The following BABAM2 variants were observed in gnomAD, a reference collection of about 807,000 sequenced individuals.
BABAM2 encodes the protein BRISC and BRCA1 A complex member 2, also known as BRISC and BRCA1-A complex member 2.
BABAM2 carries 31 observed loss-of-function variants against 54.7 expected under a neutral mutation model. The observed-to-expected ratio is 0.57, with a 90% confidence interval of 0.43 to 0.77. The LOEUF is 0.77. Ranked by LOEUF, BABAM2 falls within the 30% of genes least tolerant of loss-of-function variation. BABAM2 has a pLI of 0.00. For synonymous variants in BABAM2, 167 were observed against 162.9 expected (o/e 1.03, Z -0.19); for missense variants, 364 against 455.8 (o/e 0.80, Z 1.83).
intron 6 of BABAM2, among the ~76,000 whole-genome samples, chr2:28,117,010 C>T (rs1450483312): frequency 6.6e-6 from 1 of 152,138 alleles, no homozygotes; most frequent in East Asian, 1.9e-4. Context: ...AGCATTGGCA[C>T]CTCTGATACC....
intron 3 of BABAM2, among the ~76,000 whole-genome samples, chr2:27,972,350 T>A (rs750899452): frequency 1.3e-5 from 2 of 152,208 alleles, no homozygotes; most frequent in Non-Finnish European, 2.9e-5. Flanking sequence ...TGTTTCAATA[T>A]AAGAAAGAAC....
chr2:28,149,764 C>T (rs753739516), intron 7 of BABAM2, among the ~76,000 whole-genome samples: 9 of 152,160 alleles, frequency 5.9e-5, no homozygotes, highest in Non-Finnish European at 1.0e-4. Flanking sequence ...AGTAGCCTTC[C>T]TTCTCTGGCT....
chr2:28,103,600 C>T (rs1227239849), intron 6 of BABAM2, among the ~76,000 whole-genome samples: 2 of 152,182 alleles, frequency 1.3e-5, no homozygotes, highest in Non-Finnish European at 2.9e-5. Context: ...TGAGCCACTG[C>T]ACCTGGCATA....
At chr2:28,285,449 G>A (rs1266294010) in intron 10 of BABAM2, among the ~76,000 whole-genome samples, 3 of 152,092 alleles carry the variant, frequency 2.0e-5, no homozygotes, top group Non-Finnish European at 4.4e-5. Context: ...ATCCCTGCAC[G>A]GTATAAGTCC....
At chr2:28,186,038 G>A (rs1037435102) in intron 7 of BABAM2, among the ~76,000 whole-genome samples, 1 of 152,102 alleles carries the variant, frequency 6.6e-6, no homozygotes, top group Non-Finnish European at 1.5e-5. Context: ...GAATGTTAAG[G>A]AATGAAGCAG....
chr2:27,891,815 C>A (rs1027928157), intron 1 of BABAM2, among the ~76,000 whole-genome samples: 3 of 151,536 alleles, frequency 2.0e-5, no homozygotes, highest in Non-Finnish European at 4.4e-5. Flanking sequence ...AAATAGAATT[C>A]ATTCCCTCAG....
intron 3 of BABAM2, among the ~76,000 whole-genome samples, chr2:27,933,435 A>G (rs778446621): frequency 1.1e-4 from 17 of 152,072 alleles, no homozygotes; most frequent in Non-Finnish European, 2.5e-4. Context: ...AAAAGTTCAT[A>G]GAATTAGAAA....
intron 7 of BABAM2, among the ~76,000 whole-genome samples, chr2:28,155,113 G>T (rs961487298): frequency 6.6e-6 from 1 of 152,034 alleles, no homozygotes; most frequent in Admixed American, 6.5e-5. Flanking sequence ...AATCTTGAAG[G>T]TCGGCACCTC....
At chr2:28,132,555 C>T (rs912270327) in intron 7 of BABAM2, among the ~76,000 whole-genome samples, 1 of 152,168 alleles carries the variant, frequency 6.6e-6, no homozygotes, top group Non-Finnish European at 1.5e-5. Context: ...AGTTTTCTTA[C>T]ATTGCCAGCA....
chr2:28,285,172 C>T (rs1019533097), intron 10 of BABAM2, among the ~76,000 whole-genome samples: 5 of 152,296 alleles, frequency 3.3e-5, no homozygotes, highest in South Asian at 2.1e-4. Flanking sequence ...GACTGTATGG[C>T]GTGCTTTACC....
At chr2:28,178,047 G>C (rs1476153823) in intron 7 of BABAM2, among the ~76,000 whole-genome samples, 1 of 152,080 alleles carries the variant, frequency 6.6e-6, no homozygotes, top group Non-Finnish European at 1.5e-5. Context: ...TACAATAATA[G>C]TTGGAGACTT....
At chr2:28,065,898 T>C (rs1191607158) in intron 6 of BABAM2, among the ~76,000 whole-genome samples, 1 of 151,314 alleles carries the variant, frequency 6.6e-6, no homozygotes, top group African/African-American at 2.4e-5. Flanking sequence ...CCCAGCACTT[T>C]GGGAGGCCGA....
chr2:27,989,086 A>G (rs1226498296), intron 4 of BABAM2, among the ~76,000 whole-genome samples: 1 of 152,194 alleles, frequency 6.6e-6, no homozygotes, highest in African/African-American at 2.4e-5. Context: ...TGAAGTTTCT[A>G]ATAATTGAAC....
At chr2:28,332,733 A>G (rs1691072989) in intron 11 of BABAM2, among the ~76,000 whole-genome samples, 1 of 152,214 alleles carries the variant, frequency 6.6e-6, no homozygotes, top group South Asian at 2.1e-4. Context: ...TGCACACCAC[A>G]CACAAGGAGT....
Position 28,241,341 on chromosome 2 carries a change from G to C in BABAM2, c.799G>C (p.Gly267Arg). 6.2e-7 allele frequency: 1 copy of C among 1,614,038 alleles called. No individual in the cohort carries two copies. The change falls in exon 9 of 12, where the codon GGG becomes CGG. Residue 267 changes from glycine (G) to arginine (R), a missense_variant. Physicochemically the swap from Gly to Arg is moderately radical, Grantham distance 125 (BLOSUM62 -2). Transcript: ENST00000379624. Reference protein sequence around the residue: ...LTNKVQYVIQGYHKRREYIAA... With the variant: ...LTNKVQYVIQRYHKRREYIAA... ...ATTCCAGGTGCAGTACGTGATTCAA[G>C]GGTATCACAAAAGAAGAGAGTATAT...
At chr2:28,152,065 AG>A (rs1159556188) in intron 7 of BABAM2, among the ~76,000 whole-genome samples, 4 of 152,196 alleles carry the variant, frequency 2.6e-5, no homozygotes, top group African/African-American at 4.8e-5. Flanking sequence ...AGAATATGTA[AG>A]AATAAACTCA....
At chr2:28,043,822 G>T (rs891976745) in intron 5 of BABAM2, among the ~76,000 whole-genome samples, 2 of 152,192 alleles carry the variant, frequency 1.3e-5, no homozygotes, top group East Asian at 3.9e-4. Context: ...TGAGCTATTT[G>T]TAGATCCTTA....
intron 6 of BABAM2, among the ~76,000 whole-genome samples, chr2:28,061,598 A>AG (rs1470415410): frequency 2.8e-4 from 43 of 151,084 alleles, no homozygotes; most frequent in Admixed American, 9.9e-4. Context: ...AAAAAAAAAA[A>AG]AAAAAGAGAA....
At chr2:27,994,464 C>T (rs774677536) in intron 4 of BABAM2, among the ~76,000 whole-genome samples, 1 of 152,174 alleles carries the variant, frequency 6.6e-6, no homozygotes, top group Non-Finnish European at 1.5e-5. Flanking sequence ...CACTCATGTC[C>T]TGTTCCATCA....
Sources: gnomAD v4.1 joint callset for allele counts (sites outside exome capture counted in the v4.1 genomes callset) on GRCh38, gnomAD v4.1.1 for gene constraint, MANE v1.5 for transcripts, NCBI Gene and HGNC (gene_info 2026-07-23, HGNC 2026-07-21) for gene names.